Variants in SLC41A2 observed in about 807,000 individuals in gnomAD.
The protein encoded by SLC41A2 is solute carrier family 41 member 2.
Under a neutral mutation model 58.3 loss-of-function variants are expected in SLC41A2, and 32 were observed. That is an observed-to-expected ratio of 0.55 (90% CI 0.41 to 0.74). The LOEUF (loss-of-function observed/expected upper bound fraction) is 0.74. SLC41A2 is among the 30% of genes least tolerant of loss of function. The pLI is 0.00. For missense variants in SLC41A2, 514 were observed against 680.6 expected (o/e 0.76, Z 2.72); for synonymous variants, 190 against 235.0 (o/e 0.81, Z 1.75).
chr12:104,824,634 C>A (rs1371506104), intron 10 of SLC41A2, among the ~76,000 whole-genome samples: 2 of 152,176 alleles, frequency 1.3e-5, no homozygotes, highest in Non-Finnish European at 2.9e-5. Context: ...TGAGCTAGCA[C>A]AAGCTGCCTA....
intron 1 of SLC41A2, among the ~76,000 whole-genome samples, chr12:104,948,584 C>T (rs2135973180): frequency 6.6e-6 from 1 of 152,096 alleles, no homozygotes; most frequent in South Asian, 2.1e-4. Flanking sequence ...AATAATATGC[C>T]CAAAGTTACA....
At chr12:104,831,366 C>T (rs999396669) in intron 10 of SLC41A2, among the ~76,000 whole-genome samples, 1 of 152,128 alleles carries the variant, frequency 6.6e-6, no homozygotes, top group Non-Finnish European at 1.5e-5. Flanking sequence ...CATGAGCCAC[C>T]ATGACCTGCC....
intron 3 of SLC41A2, among the ~76,000 whole-genome samples, chr12:104,898,924 T>C (rs1201854808): frequency 6.6e-6 from 1 of 152,146 alleles, no homozygotes; most frequent in East Asian, 1.9e-4. Context: ...TAAGACAAGA[T>C]AGCACTACAC....
chr12:104,905,954 G>GGGA (rs1424524412), intron 3 of SLC41A2, among the ~76,000 whole-genome samples: 1 of 152,256 alleles, frequency 6.6e-6, no homozygotes. Context: ...CCCAGAAAGG[G>GGGA]GCTCCCACAG....
intron 1 of SLC41A2, among the ~76,000 whole-genome samples, chr12:104,937,884 T>C (rs2047346395): frequency 1.3e-5 from 2 of 152,198 alleles, no homozygotes; most frequent in African/African-American, 2.4e-5. Flanking sequence ...GGCTTTCAAG[T>C]GTGAACAAGG....
At position 104,805,290 on chromosome 12, in the gene SLC41A2, C is replaced by T; in HGVS notation, c.1584G>A (p.Trp528Ter). ...AACTATCCGGGTCCTTTCCTTTCCTCCAGAAGTGATGGACCATCCAGTCAG... is the reference window on the plus strand; with the variant it reads ...AACTATCCGGGTCCTTTCCTTTCCTTCAGAAGTGATGGACCATCCAGTCAG... ...WIADWMVHHF[W>*]RKGKDPDSFS... The change falls in exon 11 of 11, where the codon TGG becomes TGA. Residue 528 changes from tryptophan (W) to a stop codon, truncating the protein, a stop_gained. Coordinates refer to ENST00000258538, the MANE Select transcript of SLC41A2 (RefSeq NM_001352171.3). LOFTEE classifies it high-confidence loss of function. 6 of 1,613,800 alleles carry T rather than the reference C, an allele frequency of 3.7e-6. No homozygotes were observed. Among genetic ancestry groups the T allele is most frequent in the Non-Finnish European group, 5.1e-6 (6 of 1,179,820 alleles).
chr12:104,958,317 C>G (rs909910449), upstream of SLC41A2: 3 of 149,010 alleles, frequency 2.0e-5, no homozygotes, highest in African/African-American at 7.3e-5. Flanking sequence ...CCCGCGGCCC[C>G]CTGACTCCCC....
intron 5 of SLC41A2, among the ~76,000 whole-genome samples, chr12:104,886,724 T>C (rs1448290990): frequency 1.3e-5 from 2 of 152,036 alleles, no homozygotes; most frequent in East Asian, 3.8e-4. Context: ...TAGTGACATG[T>C]ATATCTTAGA....
intron 2 of SLC41A2, among the ~76,000 whole-genome samples, chr12:104,918,628 GAAAAA>G (rs34865307): frequency 1.8e-4 from 20 of 111,494 alleles, no homozygotes; most frequent in South Asian, 1.6e-3. Flanking sequence ...GGAGATACAT[GAAAAA>G]AAAAAAAAAA....
At chr12:104,818,623 A>C (rs756069408) in intron 10 of SLC41A2, among the ~76,000 whole-genome samples, 4 of 152,198 alleles carry the variant, frequency 2.6e-5, no homozygotes, top group Non-Finnish European at 5.9e-5. Flanking sequence ...TCATACCTGT[A>C]AGCCCAACAC....
chr12:104,883,610 T>C lies in SLC41A2; in HGVS notation c.1027+2683A>G, dbSNP rs569905500. Among the ~76,000 whole-genome samples, 6 of 152,296 alleles carry C rather than the reference T, an allele frequency of 3.9e-5. No individual in the cohort carries two copies. In the East Asian group the frequency reaches 1.2e-3, roughly 29 times the overall value. ...CAGGTCTGTTGGAGTTTGCTGGAGG[T>C]CCACTCCAGACCCTGTTTTCCTGGG... On this transcript the variant is annotated intron_variant, in intron 6 of 10. Coordinates refer to ENST00000258538, the MANE Select transcript of SLC41A2 (RefSeq NM_001352171.3).
intron 8 of SLC41A2, among the ~76,000 whole-genome samples, chr12:104,859,527 G>A (rs2043132023): frequency 6.6e-6 from 1 of 152,134 alleles, no homozygotes; most frequent in South Asian, 2.1e-4. Context: ...AGAGGATGAA[G>A]GACCAGGTTG....
intron 8 of SLC41A2, among the ~76,000 whole-genome samples, chr12:104,856,442 A>C (rs2043022182): frequency 6.6e-6 from 1 of 152,214 alleles, no homozygotes; most frequent in African/African-American, 2.4e-5. Flanking sequence ...GAAAAATACT[A>C]TAATGAGTTG....
intron 2 of SLC41A2, among the ~76,000 whole-genome samples, chr12:104,911,145 G>A (rs2046068200): frequency 6.6e-6 from 1 of 152,102 alleles, no homozygotes; most frequent in Non-Finnish European, 1.5e-5. Context: ...TGACTTGGAA[G>A]CCCCCACTTT....
chr12:104,943,169 CCTT>C (rs1410622214), intron 1 of SLC41A2, among the ~76,000 whole-genome samples: 1 of 151,918 alleles, frequency 6.6e-6, no homozygotes, highest in East Asian at 1.9e-4. Context: ...AAAGCAAAAA[CCTT>C]CTTTTTAAGA....
intron 1 of SLC41A2, among the ~76,000 whole-genome samples, chr12:104,946,174 G>C (rs915470113): frequency 2.0e-5 from 3 of 152,188 alleles, no homozygotes; most frequent in Non-Finnish European, 2.9e-5. Context: ...ATTCTAAGAA[G>C]TAGCATAGGA....
intron 1 of SLC41A2, among the ~76,000 whole-genome samples, chr12:104,944,043 CA>C (rs777698651): frequency 6.7e-6 from 1 of 150,026 alleles, no homozygotes; most frequent in East Asian, 2.0e-4. Flanking sequence ...CTTGCAACTA[CA>C]AAAAAAAGGG....
intron 2 of SLC41A2, among the ~76,000 whole-genome samples, chr12:104,918,985 T>C (rs144050656): frequency 8.7e-4 from 132 of 152,260 alleles, no homozygotes; most frequent in African/African-American, 2.8e-3. Context: ...CCTAATTCTC[T>C]TTTAGAGCCA....
At chr12:104,861,396 T>A (rs1254388338) in intron 7 of SLC41A2, 26 bp from the exon 8 acceptor site, 1 of 1,532,294 alleles carries the variant, frequency 6.5e-7, no homozygotes, top group African/African-American at 1.4e-5. Flanking sequence ...TTATATAATT[T>A]AGAGAAGAGG....
Sources: gnomAD v4.1 joint callset for allele counts (sites outside exome capture counted in the v4.1 genomes callset) on GRCh38, gnomAD v4.1.1 for gene constraint, MANE v1.5 for transcripts, NCBI Gene and HGNC (gene_info 2026-07-23, HGNC 2026-07-21) for gene names.